The following PDE4D variants were observed in gnomAD, a reference collection of about 807,000 sequenced individuals.
PDE4D encodes 3',5'-cyclic-AMP phosphodiesterase 4D.
In PDE4D, 24 loss-of-function variants were observed where a neutral mutation model predicts 87.4. The observed-to-expected ratio is 0.27, with a 90% CI of 0.20 to 0.39. The LOEUF is 0.39. PDE4D is among the 10% of genes least tolerant of loss of function. The pLI, the probability that PDE4D is intolerant of heterozygous loss-of-function variation, is 1.00. For missense variants in PDE4D, 714 were observed against 1,041.0 expected (o/e 0.69, Z 4.32); for synonymous variants, 384 against 383.2 (o/e 1.00, Z -0.02).
At chr5:59,022,468 A>T (rs181768035) in intron 6 of PDE4D, among the ~76,000 whole-genome samples, 125 of 152,256 alleles carry the variant, frequency 8.2e-4, no homozygotes, top group African/African-American at 2.7e-3. Flanking sequence ...CAGACCTCCA[A>T]CACAACCTCT....
intron 1 of PDE4D, among the ~76,000 whole-genome samples, chr5:59,870,270 T>C (rs576803757): frequency 6.6e-5 from 10 of 152,368 alleles, no homozygotes; most frequent in African/African-American, 2.2e-4. Flanking sequence ...TTATGCTTTC[T>C]TTCCTTTGCT....
intron 1 of PDE4D, among the ~76,000 whole-genome samples, chr5:59,790,682 C>T (rs1418434556): frequency 6.6e-6 from 1 of 152,168 alleles, no homozygotes; most frequent in Non-Finnish European, 1.5e-5. Context: ...ATTCCACCCT[C>T]TGCCTCCATT....
At chr5:59,443,837 C>T (rs1329860156) in intron 1 of PDE4D, among the ~76,000 whole-genome samples, 3 of 151,792 alleles carry the variant, frequency 2.0e-5, no homozygotes, top group African/African-American at 4.8e-5. Context: ...TCTCTCTTGA[C>T]CTTTTGGATA....
Position 59,871,919 on chromosome 5 carries a change from T to G in PDE4D, c.455+21249A>C, listed in dbSNP as rs547954424. Among the ~76,000 whole-genome samples the G allele has an allele frequency of 5.9e-5, 9 of 152,242 alleles. No individual in the cohort carries two copies. In the East Asian group the frequency reaches 1.4e-3, roughly 23 times the overall value. On this transcript the variant is annotated intron_variant, in intron 1 of 14. Coordinates refer to ENST00000340635, the MANE Select transcript of PDE4D (RefSeq NM_001104631.2). ...CCAAATCGTACTACTTCCTTTTGATTCTTTTTCATCCCACTCTTTAACTCA... is the reference window on the plus strand; with the variant it reads ...CCAAATCGTACTACTTCCTTTTGATGCTTTTTCATCCCACTCTTTAACTCA...
At chr5:59,750,030 A>G (rs1760190399) in intron 1 of PDE4D, among the ~76,000 whole-genome samples, 2 of 151,034 alleles carry the variant, frequency 1.3e-5, no homozygotes. Flanking sequence ...TTCACATCCA[A>G]TGCATCCACA....
At position 60,333,453 on chromosome 5, in the gene PDE4D, T is replaced by C. The variant is rs1428275060; in HGVS notation, c.-89-147766A>G. On this transcript the variant is annotated intron_variant, in intron 1 of 16. Coordinates refer to the PDE4D transcript ENST00000502484. ...TGACACAGTGGGTCTGGAAGAGGCT[T>C]CTGCTGTGGCTTTCTCTCTCTGGTT... 2.6e-5 allele frequency among the ~76,000 whole-genome samples: 4 copies of C among 152,280 alleles called. No homozygotes were observed. The South Asian group carries it at 8.3e-4, about 32-fold the overall frequency.
At chr5:60,443,835 C>T (rs1435064204) in intron 1 of PDE4D, among the ~76,000 whole-genome samples, 1 of 152,116 alleles carries the variant, frequency 6.6e-6, no homozygotes, top group East Asian at 1.9e-4. Context: ...ACTCAGCATT[C>T]AATTACTCAC....
In PDE4D at chr5:60,039,443, T is replaced by A. The variant is rs569829426; in HGVS notation, c.43-50726A>T. ...CACACTGGGGACTGTTGTGGGGTGG[T>A]GGGAGGGGGGAGGGATAGCTTTAGG... On this transcript the variant is annotated intron_variant, in intron 2 of 16. Transcript: ENST00000502484. 8.1e-5 allele frequency among the ~76,000 whole-genome samples: 6 copies of A among 73,652 alleles called. 1 individual carries two copies. The highest frequency in any genetic ancestry group is 2.7e-4 in the African/African-American group (5 of 18,274). The allele number at this position is 73,652 out of a possible 152,430, so 48.3% of individuals were successfully genotyped here.
At chr5:59,207,252 T>C (rs1478159427) in intron 2 of PDE4D, among the ~76,000 whole-genome samples, 2 of 152,184 alleles carry the variant, frequency 1.3e-5, no homozygotes, top group Non-Finnish European at 2.9e-5. Flanking sequence ...GAGCATGGTT[T>C]TGATTTTAGT....
In PDE4D at chr5:60,193,487, G is replaced by A. The variant is rs577387808; in HGVS notation, c.-89-7800C>T. 2.6e-5 allele frequency among the ~76,000 whole-genome samples: 4 copies of A among 151,946 alleles called. No homozygotes were observed. In the South Asian group the frequency reaches 8.3e-4, roughly 32 times the overall value. ...AGATCGAGACCATCCTGGCTAACAA[G>A]ATGAAACCCCGTCTCTACTAAAAAT... On this transcript the variant is annotated intron_variant, in intron 1 of 16. Coordinates refer to the PDE4D transcript ENST00000502484.
At chr5:59,458,138 A>G (rs1800208029) in intron 1 of PDE4D, among the ~76,000 whole-genome samples, 1 of 152,250 alleles carries the variant, frequency 6.6e-6, no homozygotes, top group Non-Finnish European at 1.5e-5. Flanking sequence ...TTTGATACAT[A>G]GTGCTGAAAT....
chr5:60,396,896 T>A (rs1017381615), intron 1 of PDE4D, among the ~76,000 whole-genome samples: 2 of 152,204 alleles, frequency 1.3e-5, no homozygotes, highest in Admixed American at 1.3e-4. Context: ...AATTCAGACG[T>A]GGACCTCAAG....
intron 1 of PDE4D, among the ~76,000 whole-genome samples, chr5:59,390,133 A>G (rs1787944785): frequency 6.6e-6 from 1 of 152,122 alleles, no homozygotes; most frequent in South Asian, 2.1e-4. Context: ...TTATGCATCA[A>G]TACAAATATT....
intron 1 of PDE4D, among the ~76,000 whole-genome samples, chr5:60,206,556 C>T (rs1275809692): frequency 6.6e-6 from 1 of 152,236 alleles, no homozygotes; most frequent in Non-Finnish European, 1.5e-5. Flanking sequence ...GCAAACATTT[C>T]ACAATGTGGA....
chr5:59,071,120 C>T (rs1040453638), intron 5 of PDE4D, among the ~76,000 whole-genome samples: 2 of 152,136 alleles, frequency 1.3e-5, no homozygotes, highest in Non-Finnish European at 2.9e-5. Context: ...CACTTTCCTT[C>T]GGAATTTAAA....
chr5:59,718,056 C>A (rs1363983775), intron 1 of PDE4D, among the ~76,000 whole-genome samples: 1 of 152,194 alleles, frequency 6.6e-6, no homozygotes, highest in African/African-American at 2.4e-5. Context: ...TCTAGTGTTA[C>A]AATCTCCATT....
intron 1 of PDE4D, among the ~76,000 whole-genome samples, chr5:60,419,780 T>G (rs1281997299): frequency 1.3e-5 from 2 of 152,154 alleles, no homozygotes; most frequent in Non-Finnish European, 2.9e-5. Context: ...AAGTAAAATA[T>G]ATGAGGCAAC....
At chr5:59,989,290 CTAAGTA>C (rs1005167423) in intron 2 of PDE4D, among the ~76,000 whole-genome samples, 8 of 151,390 alleles carry the variant, frequency 5.3e-5, no homozygotes, top group Admixed American at 2.6e-4. Flanking sequence ...ATTTGTGTAT[CTAAGTA>C]TATCTAAACA....
chr5:59,327,196 C>CA (rs200886052), intron 1 of PDE4D, among the ~76,000 whole-genome samples: 30,480 of 131,952 alleles, frequency 0.23, 3,645 homozygotes, highest in Admixed American at 0.33. Context: ...AATGAAATAC[C>CA]AAAAAAAAAA....
Sources: allele counts gnomAD v4.1 joint callset (sites outside exome capture counted in the v4.1 genomes callset), GRCh38; gene constraint gnomAD v4.1.1; transcripts MANE v1.5; gene names NCBI Gene and HGNC (gene_info 2026-07-23, HGNC 2026-07-21).